RADIL: variants seen among roughly 807,000 people sequenced by gnomAD.
The protein encoded by RADIL is ras-associating and dilute domain-containing protein.
Under a neutral mutation model 97.6 loss-of-function variants are expected in RADIL, and 99 were observed. The ratio of observed to expected loss-of-function variants is 1.01; its 90% CI spans 0.86 to 1.20. The LOEUF (loss-of-function observed/expected upper bound fraction) is 1.20, where lower values mean the gene tolerates loss of function less well. Ranked by LOEUF, RADIL falls within the 50% of genes most tolerant of loss-of-function variation. The pLI is 0.00. For missense variants in RADIL, 1,765 were observed against 1,498.9 expected, an observed-to-expected ratio of 1.18 and a Z score of -2.93; for synonymous variants, 803 against 691.8, an observed-to-expected ratio of 1.16 and a Z score of -2.52.
chr7:4,874,481 C>T (rs1784324177), intron 2 of RADIL, among the ~76,000 whole-genome samples: 2 of 152,182 alleles, frequency 1.3e-5, no homozygotes, highest in Non-Finnish European at 2.9e-5. Context: ...CTCAAACCAC[C>T]CGGCCGCCTC....
At chr7:4,862,724 CCCGTCACTACTAAAAATA>C (rs1784045344) in intron 2 of RADIL, among the ~76,000 whole-genome samples, 2 of 151,982 alleles carry the variant, frequency 1.3e-5, no homozygotes, top group South Asian at 4.2e-4. Context: ...ATGGAGAAAC[CCCGTCACTACTAAAAATA>C]CAAAATTAGC....
At chr7:4,881,434 A>G (rs1012395788) in intron 1 of RADIL, among the ~76,000 whole-genome samples, 6 of 139,084 alleles carry the variant, frequency 4.3e-5, no homozygotes, top group Admixed American at 7.3e-5. Context: ...AAAAAAAAAA[A>G]GACAAAAATT....
intron 4 of RADIL, among the ~76,000 whole-genome samples, chr7:4,832,620 T>A (rs892243748): frequency 6.6e-6 from 1 of 151,244 alleles, no homozygotes; most frequent in African/African-American, 2.4e-5. Flanking sequence ...ATGCCTATAA[T>A]CCCAGCTATT....
intron 9 of RADIL, among the ~76,000 whole-genome samples, chr7:4,808,139 T>C (rs1782405433): frequency 8.9e-6 from 1 of 111,956 alleles, no homozygotes; most frequent in South Asian, 3.8e-4. Flanking sequence ...CCTCTTCCTC[T>C]CTCCCCCGTC....
rs1782710151 is a variant in RADIL, at chr7:4,817,539, C to A, written c.1616-188G>T. On this transcript the variant is annotated intron_variant, in intron 6 of 14. Transcript: ENST00000399583. This position sits in a 1 kb window ranked among gnomAD's most constrained non-coding sequence, Gnocchi z 8.3. ...GACGAGCGCAGCAAACCTGCCGCCA[C>A]TCTTACCTGGGGAGGGGAATGCCGG... 6.6e-6 allele frequency among the ~76,000 whole-genome samples: 1 copy of A among 152,194 alleles called. No homozygotes were observed. Among genetic ancestry groups the A allele is most frequent in the Non-Finnish European group, 1.5e-5 (1 of 68,030 alleles).
At position 4,799,500 on chromosome 7, in the gene RADIL, AGGTGGG is replaced by A; in HGVS notation, c.3123-23_3123-18del. On this transcript the variant is annotated intron_variant, in intron 14 of 14. Coordinates refer to ENST00000399583, the MANE Select transcript of RADIL (RefSeq NM_018059.5). Reference sequence around the variant, plus strand: ...TCCACAGCTCTGAAATCCATGCCAGAGGTGGGGGTGGGCAGGAGGGCACCAGGGGAG... The same window carrying A: ...TCCACAGCTCTGAAATCCATGCCAGAGGTGGGCAGGAGGGCACCAGGGGAG... 1 of 1,613,244 alleles carries A rather than the reference AGGTGGG, an allele frequency of 6.2e-7. No homozygotes were observed. Among genetic ancestry groups the A allele is most frequent in the South Asian group, 1.1e-5 (1 of 91,078 alleles).
rs953623562 is a variant in RADIL at position 4,813,243 on chromosome 7, A to C, written c.2139+2035T>G. On this transcript the variant is annotated intron_variant, in intron 9 of 14. Transcript: ENST00000399583. This position sits in a 1 kb window ranked among gnomAD's most constrained non-coding sequence, Gnocchi z 5.0. ...ATCCTCCTACCTCAACCTCCCAAGTAGCTGGCACTACAGGCGTTTGCCCCA... is the reference window on the plus strand; with the variant it reads ...ATCCTCCTACCTCAACCTCCCAAGTCGCTGGCACTACAGGCGTTTGCCCCA... Among the ~76,000 whole-genome samples the C allele has an allele frequency of 6.6e-6, 1 of 152,066 alleles. No homozygotes were observed. Among genetic ancestry groups the C allele is most frequent in the Non-Finnish European group, 1.5e-5 (1 of 68,030 alleles).
chr7:4,827,357 T>C (rs1190044285), intron 5 of RADIL, among the ~76,000 whole-genome samples: 2 of 131,774 alleles, frequency 1.5e-5, no homozygotes, highest in Non-Finnish European at 3.1e-5. Flanking sequence ...AGAGCGAGAC[T>C]GTCTCAAAAA....
At chr7:4,869,332 T>C (rs746030208) in intron 2 of RADIL, among the ~76,000 whole-genome samples, 2 of 152,126 alleles carry the variant, frequency 1.3e-5, no homozygotes, top group Non-Finnish European at 2.9e-5. Flanking sequence ...CAGAGTCTCA[T>C]TATGTTGCTC....
rs754566686 is a variant in RADIL at position 4,821,858 on chromosome 7, A to T, written c.1615+536T>A. ...GTGACAGAGCGAGACTCCGTCTCAA[A>T]AAAAGAAAAAGAAATCCCGAAATGT... On this transcript the variant is annotated intron_variant, in intron 6 of 14. Transcript: ENST00000399583. The surrounding 1 kb of genome is among the most constrained non-coding windows in gnomAD (Gnocchi z 5.2). Among the ~76,000 whole-genome samples, 6 of 152,180 alleles carry T rather than the reference A, an allele frequency of 3.9e-5. No homozygotes were observed. Among genetic ancestry groups the T allele is most frequent in the Admixed American group, 1.3e-4 (2 of 15,282 alleles).
At chr7:4,874,028 G>A (rs1231900686) in intron 2 of RADIL, among the ~76,000 whole-genome samples, 1 of 152,248 alleles carries the variant, frequency 6.6e-6, no homozygotes, top group Non-Finnish European at 1.5e-5. Context: ...CACTCAGGGG[G>A]ACGTGGGACA....
intron 2 of RADIL, chr7:4,860,402 C>T: frequency 6.2e-7 from 1 of 1,613,758 alleles, no homozygotes; most frequent in South Asian, 1.1e-5. Flanking sequence ...CACTGCTTGC[C>T]TATAAACAGT....
rs190174063 is a variant in RADIL at position 4,818,989 on chromosome 7, G to A, written c.1616-1638C>T. ...GCTGGTCTGGAACTCCAATCTACCC[G>A]CCTTGGCCCCCCAAAGTGCTGGGAT... is the stretch of plus-strand genomic sequence containing the variant. On this transcript the variant is annotated intron_variant, in intron 6 of 14. Transcript: ENST00000399583. The surrounding 1 kb of genome is among the most constrained non-coding windows in gnomAD (Gnocchi z 7.1). Among the ~76,000 whole-genome samples, 4 of 151,604 alleles carry A rather than the reference G, an allele frequency of 2.6e-5. No homozygotes were observed. Among genetic ancestry groups the A allele is most frequent in the South Asian group, 4.2e-4 (2 of 4,788 alleles).
At chr7:4,862,456 C>T (rs925228754) in intron 2 of RADIL, among the ~76,000 whole-genome samples, 5 of 152,298 alleles carry the variant, frequency 3.3e-5, no homozygotes, top group Middle Eastern at 3.4e-3. Flanking sequence ...GCTTTAAGGG[C>T]GCGATACTGC....
intron 2 of RADIL, chr7:4,860,640 A>T (rs1562454114): frequency 1.2e-6 from 2 of 1,614,112 alleles, no homozygotes; most frequent in Non-Finnish European, 1.7e-6. Context: ...AAGCCCACCC[A>T]TTCTAAATGT....
At position 4,798,230 on chromosome 7, in the gene RADIL, G is replaced by A. The variant is rs976999433; in HGVS notation, c.*1148C>T. The A allele has an allele frequency of 6.6e-6, 1 of 151,978 alleles. No individual in the cohort carries two copies. The highest frequency in any genetic ancestry group is 2.4e-5 in the African/African-American group (1 of 41,390). 9.4% of individuals were successfully genotyped at this position (151,978 alleles called of 1,614,324 possible). A position where few individuals can be genotyped will look rare whatever the true frequency, so the allele number is the denominator to read the frequency against. The stretch of plus-strand genomic sequence containing the variant: ...GCAATGCGGAGCCGCACACAGAACT[G>A]CGGGTCGGCAGAGGGCGCGGGGCGG... On this transcript the variant is annotated 3_prime_UTR_variant, in exon 15 of 15. Transcript: ENST00000399583.
intron 9 of RADIL, 145 bp from the exon 10 acceptor site, chr7:4,805,861 G>C (rs1267254724): frequency 3.3e-5 from 46 of 1,392,842 alleles, no homozygotes; most frequent in Non-Finnish European, 4.7e-6. Flanking sequence ...CTGTGAGGGG[G>C]ACGGTGTCAC....
In RADIL at chr7:4,801,815, G is replaced by A. The variant is rs763281383; in HGVS notation, c.2680C>T (p.Pro894Ser). The change falls in exon 12 of 15, where the codon CCC (proline) becomes TCC (serine). Residue 894 changes from proline (P) to serine (S), a missense_variant. Pro to Ser is a moderately conservative substitution (Grantham distance 74). Transcript: ENST00000399583. Reference protein sequence around the residue: ...QPSRGGSQAGPPHTDSSCLLT... With the variant: ...QPSRGGSQAGSPHTDSSCLLT... ...AAGCAGGACGAGTCCGTGTGCGGGGGGCCAGCCTGGGAGCCCCCACGGCTG... is the reference window on the plus strand; with the variant it reads ...AAGCAGGACGAGTCCGTGTGCGGGGAGCCAGCCTGGGAGCCCCCACGGCTG... The A allele has an allele frequency of 1.7e-5, 27 of 1,607,884 alleles. No individual in the cohort carries two copies. The highest frequency in any genetic ancestry group is 2.0e-5 in the Non-Finnish European group (23 of 1,177,992).
At chr7:4,847,766 A>ACC (rs55844757) in intron 2 of RADIL, among the ~76,000 whole-genome samples, 1 of 138,462 alleles carries the variant, frequency 7.2e-6, no homozygotes, top group African/African-American at 2.7e-5. Flanking sequence ...AAAAAAAAAA[A>ACC]CACACAGGTA....
Sources: allele counts gnomAD v4.1 joint callset (sites outside exome capture counted in the v4.1 genomes callset), GRCh38; gene constraint gnomAD v4.1.1; non-coding constraint Gnocchi (gnomAD v3.1); transcripts MANE v1.5; gene names NCBI Gene and HGNC (gene_info 2026-07-23, HGNC 2026-07-21).